RGS6: variants seen among roughly 807,000 people sequenced by gnomAD.
The protein encoded by RGS6 is regulator of G protein signaling 6.
RGS6 carries 30 observed loss-of-function variants against 78.5 expected under a neutral mutation model. The ratio of observed to expected loss-of-function variants is 0.38; its 90% CI spans 0.29 to 0.52. RGS6 has a LOEUF of 0.52. Ranked by LOEUF, RGS6 falls within the 20% of genes least tolerant of loss-of-function variation. RGS6 has a pLI of 0.85. For synonymous variants in RGS6, 206 were observed against 206.0 expected, an observed-to-expected ratio of 1.00 and a Z score of 0.00; for missense variants, 495 against 609.7, an observed-to-expected ratio of 0.81 and a Z score of 1.98.
At chr14:72,062,929 C>A (rs2093963712) in intron 2 of RGS6, among the ~76,000 whole-genome samples, 1 of 152,262 alleles carries the variant, frequency 6.6e-6, no homozygotes, top group Non-Finnish European at 1.5e-5. Context: ...CAGGTTCAAG[C>A]ATTCGTGCCT....
chr14:72,253,530 CAAAT>C (rs930862691), intron 2 of RGS6, among the ~76,000 whole-genome samples: 1 of 152,214 alleles, frequency 6.6e-6, no homozygotes, highest in Non-Finnish European at 1.5e-5. Context: ...AATATATAAA[CAAAT>C]AGGTATGGCT....
At chr14:72,261,694 G>C (rs969675601) in intron 2 of RGS6, among the ~76,000 whole-genome samples, 10 of 152,102 alleles carry the variant, frequency 6.6e-5, no homozygotes, top group Non-Finnish European at 1.3e-4. Flanking sequence ...TCCACAGAAG[G>C]AGGCACCTTC....
chr14:72,185,574 AGT>A, intron 2 of RGS6, among the ~76,000 whole-genome samples: 1 of 152,342 alleles, frequency 6.6e-6, no homozygotes, highest in African/African-American at 2.4e-5. Context: ...ACTAGTGTAG[AGT>A]GTGAATTATT....
intron 12 of RGS6, among the ~76,000 whole-genome samples, chr14:72,481,104 T>C (rs1356072394): frequency 6.6e-6 from 1 of 152,088 alleles, no homozygotes; most frequent in Non-Finnish European, 1.5e-5. Context: ...TTTCCTGTTT[T>C]CTAACTGATG....
chr14:72,444,564 T>G (rs1001180124), intron 3 of RGS6, among the ~76,000 whole-genome samples: 2 of 152,248 alleles, frequency 1.3e-5, no homozygotes, highest in African/African-American at 2.4e-5. Flanking sequence ...TTTCTCGGTC[T>G]GGGGTCTTCT....
At chr14:72,357,197 A>G (rs575466032) in intron 3 of RGS6, among the ~76,000 whole-genome samples, 2 of 151,938 alleles carry the variant, frequency 1.3e-5, no homozygotes, top group Non-Finnish European at 2.9e-5. Flanking sequence ...ACTTGAGCCC[A>G]GGCAGCAGAG....
At chr14:72,259,443 A>T (rs2057703557) in intron 2 of RGS6, among the ~76,000 whole-genome samples, 6 of 152,090 alleles carry the variant, frequency 3.9e-5, no homozygotes. Flanking sequence ...ATTCTACAGC[A>T]TCCTTGTAGT....
intron 2 of RGS6, among the ~76,000 whole-genome samples, chr14:72,290,036 T>C (rs1027603787): frequency 2.6e-5 from 4 of 152,186 alleles, no homozygotes; most frequent in African/African-American, 9.7e-5. Flanking sequence ...CAGATAGAAC[T>C]TTCCATTCAA....
At chr14:72,178,694 T>C (rs2097136782) in intron 2 of RGS6, among the ~76,000 whole-genome samples, 1 of 152,222 alleles carries the variant, frequency 6.6e-6, no homozygotes, top group Non-Finnish European at 1.5e-5. Flanking sequence ...TGGGAGGTAC[T>C]GACGCATTAC....
At chr14:72,202,366 C>A (rs1369673445) in intron 2 of RGS6, among the ~76,000 whole-genome samples, 1 of 152,078 alleles carries the variant, frequency 6.6e-6, no homozygotes, top group Non-Finnish European at 1.5e-5. Flanking sequence ...ATATATAGTG[C>A]ATTTCAGAGA....
At position 72,073,222 on chromosome 14, in the gene RGS6, A is replaced by G. The variant is rs372248624; in HGVS notation, c.84+108347A>G. On this transcript the variant is annotated intron_variant, in intron 2 of 17. Transcript: ENST00000553525. Reference sequence around the variant, plus strand: ...GTTATGAGGATTAAAGGGGTACAGTAAGTCCTTATTTAACGTTGTCTATAG... The same window carrying G: ...GTTATGAGGATTAAAGGGGTACAGTGAGTCCTTATTTAACGTTGTCTATAG... Among the ~76,000 whole-genome samples the G allele has an allele frequency of 7.2e-5, 11 of 152,236 alleles. 1 individual carries two copies. In the East Asian group the frequency reaches 7.7e-4, roughly 11 times the overall value.
chr14:72,581,548 T>C, the RGS6 span, among the ~76,000 whole-genome samples: 1 of 152,156 alleles, frequency 6.6e-6, no homozygotes, highest in South Asian at 2.1e-4. Flanking sequence ...CTTCAGTAGC[T>C]CTCGTTGCCC....
chr14:72,341,225 G>A (rs1164885756), intron 2 of RGS6, among the ~76,000 whole-genome samples: 2 of 152,160 alleles, frequency 1.3e-5, no homozygotes, highest in East Asian at 1.9e-4. Context: ...ACGAAGTCAT[G>A]TCTTACATAT....
chr14:72,108,432 G>A (rs947420254), intron 2 of RGS6, among the ~76,000 whole-genome samples: 6 of 151,808 alleles, frequency 4.0e-5, no homozygotes, highest in African/African-American at 1.5e-4. Context: ...TCTCACATAA[G>A]TAGTTTCTTT....
chr14:72,062,966 G>A (rs1244282286), intron 2 of RGS6, among the ~76,000 whole-genome samples: 1 of 152,176 alleles, frequency 6.6e-6, no homozygotes, highest in Non-Finnish European at 1.5e-5. Flanking sequence ...GAGATTTACA[G>A]ATGTGCACCA....
In RGS6 at chr14:71,935,817, G is replaced by A. The variant is rs993182022; in HGVS notation, c.-21+2876G>A. Among the ~76,000 whole-genome samples, 6 of 151,796 alleles carry A rather than the reference G, an allele frequency of 4.0e-5. No individual in the cohort carries two copies. The East Asian group carries it at 1.2e-3, about 29-fold the overall frequency. ...GTATTTATTGCTTTGACATGAGAATGATCTTTGAAGAGGGCTTATTCAAAC... is the reference window on the plus strand; with the variant it reads ...GTATTTATTGCTTTGACATGAGAATAATCTTTGAAGAGGGCTTATTCAAAC... On this transcript the variant is annotated intron_variant, in intron 1 of 17. Coordinates refer to ENST00000553525, the MANE Select transcript of RGS6 (RefSeq NM_001204424.2).
chr14:71,892,063 A>G, the RGS6 span, among the ~76,000 whole-genome samples: 1 of 152,172 alleles, frequency 6.6e-6, no homozygotes, highest in African/African-American at 2.4e-5. Flanking sequence ...ATTACACATG[A>G]ATCTCATTAT....
At chr14:72,260,297 T>A (rs2057908744) in intron 2 of RGS6, among the ~76,000 whole-genome samples, 1 of 152,218 alleles carries the variant, frequency 6.6e-6, no homozygotes. Flanking sequence ...GTTGCTAATT[T>A]TCCAGAAATG....
intron 1 of RGS6, among the ~76,000 whole-genome samples, chr14:71,958,962 A>T (rs1401431225): frequency 6.6e-6 from 1 of 152,136 alleles, no homozygotes; most frequent in Non-Finnish European, 1.5e-5. Flanking sequence ...CTGAATTCTA[A>T]TCGATGTCCT....
Sources: allele counts gnomAD v4.1 joint callset (sites outside exome capture counted in the v4.1 genomes callset), GRCh38; gene constraint gnomAD v4.1.1; transcripts MANE v1.5; gene names NCBI Gene and HGNC (gene_info 2026-07-23, HGNC 2026-07-21).